The following DNAJC1 variants were observed in gnomAD, a reference collection of about 807,000 sequenced individuals.
DNAJC1 encodes DnaJ heat shock protein family (Hsp40) member C1, also known as dnaJ homolog subfamily C member 1.
A neutral mutation model predicts 76.6 loss-of-function variants in DNAJC1; 58 were observed. The ratio of observed to expected loss-of-function variants is 0.76; its 90% CI spans 0.61 to 0.94. The LOEUF is 0.94. DNAJC1 is among the 40% of genes least tolerant of loss of function. The probability of loss-of-function intolerance (pLI) is 0.00; values close to 1 mark genes in which losing one functional copy is unlikely to be tolerated. For synonymous variants in DNAJC1, 258 were observed against 267.9 expected (o/e 0.96, Z 0.36); for missense variants, 689 against 677.3 (o/e 1.02, Z -0.19).
chr10:21,756,877 T>C (rs774058851), intron 11 of DNAJC1, 122 bp from the exon 12 acceptor site: 26 of 863,580 alleles, frequency 3.0e-5, no homozygotes, highest in Non-Finnish European at 4.8e-5. Context: ...CTGCCCAGAG[T>C]TCCCGGGATG....
rs1298502069 is a variant in DNAJC1, at chr10:21,788,103, C to T, written c.1098+17877G>A. Among the ~76,000 whole-genome samples, 14 of 152,248 alleles carry T rather than the reference C, an allele frequency of 9.2e-5. 1 individual carries two copies. Among genetic ancestry groups the T allele is most frequent in the Admixed American group, 8.5e-4 (13 of 15,286 alleles). On this transcript the variant is annotated intron_variant, in intron 9 of 11. Transcript: ENST00000376980. ...AAGCAGTGGTGGAACTTCCATCCTC[C>T]ACCTCCCATTGCCTTGGGCTGGAGC...
At chr10:21,833,372 G>A (rs372602151) in intron 8 of DNAJC1, among the ~76,000 whole-genome samples, 9 of 152,210 alleles carry the variant, frequency 5.9e-5, no homozygotes, top group African/African-American at 1.9e-4. Flanking sequence ...TTGGGAGACT[G>A]AGGCAGGCGA....
intron 1 of DNAJC1, among the ~76,000 whole-genome samples, chr10:21,968,921 T>C (rs116399596): frequency 0.017 from 2,627 of 152,126 alleles, 83 homozygotes; most frequent in African/African-American, 0.059. Context: ...AGTATTTGAG[T>C]TGGAAGAAAA....
At chr10:21,852,007 C>T (rs549288915) in intron 8 of DNAJC1, among the ~76,000 whole-genome samples, 1 of 151,614 alleles carries the variant, frequency 6.6e-6, no homozygotes, top group Non-Finnish European at 1.5e-5. Flanking sequence ...GAGCCGAGAT[C>T]ACGCCGCTGC....
chr10:21,889,104 C>T (rs78142092), intron 7 of DNAJC1, among the ~76,000 whole-genome samples: 4,332 of 152,096 alleles, frequency 0.028, 98 homozygotes, highest in Middle Eastern at 0.065. Context: ...GCGGGTTGTA[C>T]AGGAAGTGTG....
At chr10:21,820,160 T>C (rs897065485) in intron 8 of DNAJC1, among the ~76,000 whole-genome samples, 4 of 152,232 alleles carry the variant, frequency 2.6e-5, no homozygotes, top group African/African-American at 9.6e-5. Context: ...ATTTCCCTAT[T>C]CTGGGCATTT....
At chr10:21,892,764 T>C (rs915354820) in intron 7 of DNAJC1, among the ~76,000 whole-genome samples, 5 of 151,966 alleles carry the variant, frequency 3.3e-5, no homozygotes, top group African/African-American at 1.2e-4. Flanking sequence ...AAGTAGACTA[T>C]AAAGCAAAAA....
intron 8 of DNAJC1, among the ~76,000 whole-genome samples, chr10:21,874,494 A>C (rs76148285): frequency 0.012 from 1,896 of 152,282 alleles, 32 homozygotes; most frequent in African/African-American, 0.043. Flanking sequence ...ACTACAAATA[A>C]GCCATGAGAA....
intron 7 of DNAJC1, among the ~76,000 whole-genome samples, chr10:21,893,944 G>C (rs923132638): frequency 6.6e-6 from 1 of 151,924 alleles, no homozygotes; most frequent in Non-Finnish European, 1.5e-5. Flanking sequence ...GAAGACAAAA[G>C]TTACCTATAT....
chr10:21,934,093 C>A (rs1837272866), intron 1 of DNAJC1, among the ~76,000 whole-genome samples: 1 of 151,786 alleles, frequency 6.6e-6, no homozygotes, highest in African/African-American at 2.4e-5. Flanking sequence ...ATGACAGTTC[C>A]ATGCATGTTA....
In DNAJC1 at chr10:21,759,190, A is replaced by G. The variant is rs760949375; in HGVS notation, c.1576T>C (p.Cys526Arg). Reference protein sequence around the residue: ...SSDRWDKIARCVPSKSKEDCI... With the variant: ...SSDRWDKIARRVPSKSKEDCI... ...CTCACCTTGCTCTTGGACGGGACAC[A>G]TCTGGCTATTTTGTCCCAGCGGTCA... Residue 526 changes from cysteine (C) to arginine (R), a missense_variant, in exon 11 of 12, where the codon TGT (cysteine) becomes CGT (arginine). Transcript: ENST00000376980. 6.2e-7 allele frequency: 1 copy of G among 1,614,040 alleles called. No homozygotes were observed.
At chr10:22,002,743 C>T (rs938398826) in intron 1 of DNAJC1, among the ~76,000 whole-genome samples, 4 of 151,732 alleles carry the variant, frequency 2.6e-5, no homozygotes, top group Non-Finnish European at 5.9e-5. Flanking sequence ...GGGGAGGCAG[C>T]TGAAATAAGA....
At chr10:21,885,709 A>G (rs1435763317) in intron 7 of DNAJC1, among the ~76,000 whole-genome samples, 1 of 152,238 alleles carries the variant, frequency 6.6e-6, no homozygotes. Context: ...TTACACGGAA[A>G]TTAAATGACA....
chr10:21,820,314 G>A (rs533802955), intron 8 of DNAJC1, among the ~76,000 whole-genome samples: 1 of 152,100 alleles, frequency 6.6e-6, no homozygotes, highest in East Asian at 1.9e-4. Flanking sequence ...CATTTTGTCT[G>A]TGTTATCCAT....
intron 9 of DNAJC1, chr10:21,785,151 T>C (rs1430376957): frequency 2.0e-5 from 3 of 152,194 alleles, no homozygotes; most frequent in African/African-American, 4.8e-5. Flanking sequence ...CAAACAGCTT[T>C]GTGCACTGGC....
intron 7 of DNAJC1, among the ~76,000 whole-genome samples, chr10:21,882,718 C>T (rs1367072081): frequency 6.6e-6 from 1 of 152,034 alleles, no homozygotes; most frequent in African/African-American, 2.4e-5. Flanking sequence ...TTCATTTTGG[C>T]ACAATAAAAA....
At chr10:21,935,958 C>G (rs1837305400) in intron 1 of DNAJC1, among the ~76,000 whole-genome samples, 1 of 152,084 alleles carries the variant, frequency 6.6e-6, no homozygotes, top group African/African-American at 2.4e-5. Context: ...TATAAGGAGT[C>G]CTTCAAGCTG....
chr10:21,938,890 TTTTG>T (rs540310351), intron 1 of DNAJC1, among the ~76,000 whole-genome samples: 40 of 151,428 alleles, frequency 2.6e-4, no homozygotes, highest in Admixed American at 8.5e-4. Flanking sequence ...TTGGTTTGTT[TTTTG>T]TTTGTTTGTT....
chr10:21,905,777 A>T (rs1020174470), intron 6 of DNAJC1, among the ~76,000 whole-genome samples: 1 of 152,190 alleles, frequency 6.6e-6, no homozygotes, highest in African/African-American at 2.4e-5. Context: ...AACCTAATAA[A>T]GCAAGAAATG....
Sources: gnomAD v4.1 joint callset for allele counts (sites outside exome capture counted in the v4.1 genomes callset) on GRCh38, gnomAD v4.1.1 for gene constraint, MANE v1.5 for transcripts, NCBI Gene and HGNC (gene_info 2026-07-23, HGNC 2026-07-21) for gene names.